Variants in SYNCRIP observed in about 807,000 individuals in gnomAD.
SYNCRIP encodes synaptotagmin binding cytoplasmic RNA interacting protein, also known as heterogeneous nuclear ribonucleoprotein Q.
A neutral mutation model predicts 68.9 loss-of-function variants in SYNCRIP; 9 were observed. The observed-to-expected ratio is 0.13, with a 90% CI of 0.08 to 0.23. The LOEUF is 0.23. Ranked by LOEUF, SYNCRIP falls within the 10% of genes least tolerant of loss-of-function variation. The pLI is 1.00. For missense variants in SYNCRIP, 414 were observed against 770.6 expected (o/e 0.54, Z 5.48); for synonymous variants, 258 against 254.0 (o/e 1.02, Z -0.15).
chr6:85,622,382 TA>T, intron 8 of SYNCRIP, 99 bp downstream of exon 8: 8 of 1,154,180 alleles, frequency 6.9e-6, no homozygotes, highest in Non-Finnish European at 1.0e-5. Context: ...TCTCAAAAAA[TA>T]AAAAAATGTA....
chr6:85,635,771 T>TC (rs1161689058), intron 6 of SYNCRIP, among the ~76,000 whole-genome samples: 2 of 52,864 alleles, frequency 3.8e-5, no homozygotes, highest in Non-Finnish European at 6.2e-5. Flanking sequence ...AGATTCTATC[T>TC]CCCAAAAAAA....
At chr6:85,616,400 A>C (rs893339013) in intron 10 of SYNCRIP, among the ~76,000 whole-genome samples, 1 of 152,112 alleles carries the variant, frequency 6.6e-6, no homozygotes, top group East Asian at 1.9e-4. Flanking sequence ...ATCTCACCTC[A>C]CTGCAACCTC....
At chr6:85,613,788 A>G (rs974184667), downstream of SYNCRIP, among the ~76,000 whole-genome samples, 1 of 152,186 alleles carries the variant, frequency 6.6e-6, no homozygotes, top group Non-Finnish European at 1.5e-5. Context: ...TTCTAGTCCC[A>G]TGGTGTGCAA....
At chr6:85,617,552 A>G (rs1430249612) in intron 10 of SYNCRIP, among the ~76,000 whole-genome samples, 1 of 152,176 alleles carries the variant, frequency 6.6e-6, no homozygotes, top group Non-Finnish European at 1.5e-5. Context: ...TACAAAGTAT[A>G]TTTTCTTTGG....
At chr6:85,630,558 T>C (rs1159422397) in intron 6 of SYNCRIP, among the ~76,000 whole-genome samples, 2 of 152,200 alleles carry the variant, frequency 1.3e-5, no homozygotes, top group African/African-American at 4.8e-5. Flanking sequence ...CTGCCTGCCC[T>C]TCTTCATGGT....
intron 6 of SYNCRIP, among the ~76,000 whole-genome samples, chr6:85,636,187 A>G (rs1808428022): frequency 6.6e-6 from 1 of 152,178 alleles, no homozygotes; most frequent in Admixed American, 6.6e-5. Context: ...GCTCACGTCT[A>G]AAATCCCAGG....
chr6:85,637,371 A>T lies in SYNCRIP; in HGVS notation c.376-15T>A. 1 of 1,539,370 alleles carries T rather than the reference A, an allele frequency of 6.5e-7. No homozygotes were observed. Among genetic ancestry groups the T allele is most frequent in the Non-Finnish European group, 8.9e-7 (1 of 1,117,738 alleles). On this transcript the variant is annotated splice_polypyrimidine_tract_variant and intron_variant, in intron 4 of 10. Transcript: ENST00000369622. The stretch of plus-strand genomic sequence containing the variant: ...TCCAAGAGTGCCTTGAAAAGTTCAA[A>T]CGTCATTAATACATTTAATTCACTA...
chr6:85,628,445 T>C lies in SYNCRIP; in HGVS notation c.667-4333A>G, dbSNP rs534719434. 2.0e-5 allele frequency among the ~76,000 whole-genome samples: 3 copies of C among 152,362 alleles called. No individual in the cohort carries two copies. The East Asian group carries it at 5.8e-4, about 29-fold the overall frequency. ...TATTTCTTTCCCCCAAATGACAGCA[T>C]TTCATATACCTGGCACACAAGCACA... On this transcript the variant is annotated intron_variant, in intron 6 of 10. Transcript: ENST00000369622.
rs143816328 is a variant in SYNCRIP, at chr6:85,636,999, T to C, written c.634A>G (p.Thr212Ala). Residue 212 changes from threonine to alanine, a missense_variant, in exon 6 of 11, where the codon ACA (threonine) becomes GCA (alanine). Coordinates refer to ENST00000369622, the MANE Select transcript of SYNCRIP (RefSeq NM_006372.5). ...ACAGCCTCCTGAGCTGCTTCTTTTGTACAAAAAGTGACAAACGCATAACCT... is the reference window on the plus strand; with the variant it reads ...ACAGCCTCCTGAGCTGCTTCTTTTGCACAAAAAGTGACAAACGCATAACCT... ...NRGYAFVTFC[T>A]KEAAQEAVKL... is the part of the protein sequence containing the mutation. 5.6e-6 allele frequency: 9 copies of C among 1,611,178 alleles called. No homozygotes were observed. Among genetic ancestry groups the C allele is most frequent in the African/African-American group, 5.3e-5 (4 of 74,792 alleles).
chr6:85,618,516 G>C (rs1430184858), intron 10 of SYNCRIP, among the ~76,000 whole-genome samples: 1 of 152,026 alleles, frequency 6.6e-6, no homozygotes, highest in Non-Finnish European at 1.5e-5. Context: ...ACTCCAGCCT[G>C]AGTGACAAAG....
At chr6:85,624,292 T>G (rs1033570758) in intron 6 of SYNCRIP, among the ~76,000 whole-genome samples, 180 bp from the exon 7 acceptor site, 2 of 152,196 alleles carry the variant, frequency 1.3e-5, no homozygotes, top group African/African-American at 4.8e-5. Context: ...CATGAACCAA[T>G]TTAATGCAAA....
intron 1 of SYNCRIP, among the ~76,000 whole-genome samples, chr6:85,642,322 T>G (rs1387401729): frequency 6.6e-6 from 1 of 151,980 alleles, no homozygotes; most frequent in South Asian, 2.1e-4. Flanking sequence ...CGTGGCGCGC[T>G]GTGCAGGTCC....
downstream of SYNCRIP, chr6:85,613,877 T>A (rs1805477441): frequency 5.5e-6 from 4 of 732,008 alleles, no homozygotes; most frequent in Non-Finnish European, 5.0e-6. Context: ...AGTGGACTTG[T>A]CAGTGTGACC....
At chr6:85,638,887 T>C (rs375700179) in intron 4 of SYNCRIP, among the ~76,000 whole-genome samples, 4 of 152,202 alleles carry the variant, frequency 2.6e-5, no homozygotes, top group African/African-American at 9.6e-5. Context: ...AATGTCTCTA[T>C]GCCTTTTTAC....
intron 6 of SYNCRIP, among the ~76,000 whole-genome samples, chr6:85,630,138 G>A (rs553249286): frequency 1.7e-4 from 26 of 152,180 alleles, no homozygotes; most frequent in African/African-American, 5.3e-4. Context: ...GAGACAGGCG[G>A]ATCACGAGGT....
rs772361850 is a variant in SYNCRIP at position 85,614,777 on chromosome 6, A to C, written c.1851T>G (p.Thr617=). 8 of 1,604,510 alleles carry C rather than the reference A, an allele frequency of 5.0e-6. No homozygotes were observed. The highest frequency in any genetic ancestry group is 6.8e-6 in the Non-Finnish European group (8 of 1,175,958). Reference sequence around the variant, plus strand: ...GTTTCTACTTCCACTGTTGCCCAAAAGTATCCTGATAAAACTCCTGGTTTT... The same window carrying C: ...GTTTCTACTTCCACTGTTGCCCAAACGTATCCTGATAAAACTCCTGGTTTT... ...KSENQEFYQD[T]FGQQWK is the part of the protein sequence containing the mutation. The change falls in exon 11 of 11, where the codon ACT becomes ACG. Residue 617 remains threonine (T), a synonymous_variant. Transcript: ENST00000369622.
chr6:85,613,334 A>G (rs1805400221), downstream of SYNCRIP, among the ~76,000 whole-genome samples: 1 of 152,224 alleles, frequency 6.6e-6, no homozygotes, highest in South Asian at 2.1e-4. Context: ...TTTGACCTTG[A>G]GATTTGAAAT....
chr6:85,631,339 C>CAAAAAAAAAAAAAAAAAAAAAAAA (rs71003000), intron 6 of SYNCRIP, among the ~76,000 whole-genome samples: 5 of 91,812 alleles, frequency 5.4e-5, no homozygotes, highest in African/African-American at 2.5e-4. Context: ...ACTGTGTCTC[C>CAAAAAAAAAAAAAAAAAAAAAAAA]AAAAAAAAAA....
rs538130836 is a variant in SYNCRIP at position 85,632,765 on chromosome 6, G to A, written c.666+4202C>T. ...AAGACTAGCCTGGACAACATAGTGA[G>A]ACACCACCTCTACAAGTTTAAAAAT... On this transcript the variant is annotated intron_variant, in intron 6 of 10. Coordinates refer to ENST00000369622, the MANE Select transcript of SYNCRIP (RefSeq NM_006372.5). 8.2e-4 allele frequency among the ~76,000 whole-genome samples: 124 copies of A among 152,046 alleles called. 3 individuals are homozygous for A. In the South Asian group the frequency reaches 0.015, roughly 18 times the overall value.
Sources: gnomAD v4.1 joint callset for allele counts (sites outside exome capture counted in the v4.1 genomes callset) on GRCh38, gnomAD v4.1.1 for gene constraint, MANE v1.5 for transcripts, NCBI Gene and HGNC (gene_info 2026-07-23, HGNC 2026-07-21) for gene names.